The following ANKRD24 variants were observed in gnomAD, a reference collection of about 807,000 sequenced individuals.
The protein encoded by ANKRD24 is ankyrin repeat domain 24.
ANKRD24 carries 109 observed loss-of-function variants against 127.8 expected under a neutral mutation model. That is an observed-to-expected ratio of 0.85 (90% confidence interval 0.73 to 1.00). The LOEUF is 1.00. Ranked by LOEUF, ANKRD24 falls within the 50% of genes least tolerant of loss-of-function variation. ANKRD24 has a pLI of 0.00. For synonymous variants in ANKRD24, 743 were observed against 671.1 expected, an observed-to-expected ratio of 1.11 and a Z score of -1.66; for missense variants, 1,648 against 1,570.2, an observed-to-expected ratio of 1.05 and a Z score of -0.84.
At chr19:4,205,242 C>T (rs187635913) in intron 7 of ANKRD24, among the ~76,000 whole-genome samples, 1 of 152,162 alleles carries the variant, frequency 6.6e-6, no homozygotes, top group South Asian at 2.1e-4. Flanking sequence ...CTCAAAAAAA[C>T]CAACCAACCA....
At position 4,199,625 on chromosome 19, in the gene ANKRD24, G is replaced by A. The variant is rs1401979284; in HGVS notation, c.37-58G>A. The A allele has an allele frequency of 1.1e-5, 16 of 1,476,742 alleles. No homozygotes were observed. Among genetic ancestry groups the A allele is most frequent in the East Asian group, 5.0e-5 (2 of 40,164 alleles). 91.5% of individuals were successfully genotyped at this position (1,476,742 alleles called of 1,614,324 possible). ...GGCCTGGGGGCAGATGCTGGGGGTC[G>A]CAGGCTTGGGGGACACTGTCTGAGG... On this transcript the variant is annotated intron_variant, in intron 2 of 21. Transcript: ENST00000318934. This position sits in a 1 kb window ranked among gnomAD's most constrained non-coding sequence, Gnocchi z 5.2.
chr19:4,224,773 T>G lies in ANKRD24; in HGVS notation c.*268T>G. 1.9e-6 allele frequency: 1 copy of G among 516,800 alleles called. No homozygotes were observed. The highest frequency in any genetic ancestry group is 3.5e-6 in the Non-Finnish European group (1 of 286,522). The allele number at this position is 516,800 out of a possible 1,614,324, so 32.0% of individuals were successfully genotyped here. On this transcript the variant is annotated 3_prime_UTR_variant, in exon 22 of 22. Coordinates refer to ENST00000318934, the MANE Select transcript of ANKRD24 (RefSeq NM_001393985.1). ...ACTGTGATTCCCTGTGTCCTCCACA[T>G]CCAGACGCCAGCCCAGGAATAAAGG...
chr19:4,203,074 G>C (rs1364073117), intron 7 of ANKRD24, 148 bp downstream of exon 7: 6 of 691,560 alleles, frequency 8.7e-6, no homozygotes, highest in Non-Finnish European at 1.1e-5. Context: ...TTGAGACGGA[G>C]TCTCACTCTG....
chr19:4,222,562 A>G (rs11085066), intron 19 of ANKRD24, 108 bp from the exon 20 acceptor site: 54,391 of 1,330,398 alleles, frequency 0.041, 6,098 homozygotes, highest in African/African-American at 0.4. Flanking sequence ...CAGGGACGGG[A>G]CCTTCCCTTG....
intron 2 of ANKRD24, among the ~76,000 whole-genome samples, chr19:4,190,385 T>C (rs1968317293): frequency 6.7e-6 from 1 of 148,430 alleles, no homozygotes; most frequent in Non-Finnish European, 1.5e-5. Context: ...GATGGAGCCA[T>C]TGCACTCCAG....
At position 4,195,642 on chromosome 19, in the gene ANKRD24, A is replaced by G. The variant is rs1968683475; in HGVS notation, c.37-4041A>G. Among the ~76,000 whole-genome samples the G allele has an allele frequency of 1.3e-5, 2 of 152,168 alleles. No homozygotes were observed. The highest frequency in any genetic ancestry group is 2.4e-5 in the African/African-American group (1 of 41,440). ...GCCGGGCGCAGTGGCTCACGCCTGT[A>G]ATCCCAACACTTTGAGAGGCCAAGG... On this transcript the variant is annotated intron_variant, in intron 2 of 21. Coordinates refer to ENST00000318934, the MANE Select transcript of ANKRD24 (RefSeq NM_001393985.1). This position sits in a 1 kb window ranked among gnomAD's most constrained non-coding sequence, Gnocchi z 4.2.
Position 4,199,898 on chromosome 19 carries a change from C to T in ANKRD24, c.147C>T (p.Asp49=), listed in dbSNP as rs752363767. The T allele has an allele frequency of 1.8e-5, 28 of 1,570,138 alleles. No homozygotes were observed. The East Asian group carries it at 3.3e-4, about 19-fold the overall frequency. ...AGAGTCAAGACTGGGGCAAGAGTGA[C>T]GAGAGGCTGCTACAAGCCGTGGAAA... ...RRQSQDWGKS[D]ERLLQAVENN... is the part of the protein sequence containing the mutation. The change falls in exon 4 of 22, where the codon GAC becomes GAT. Residue 49 remains aspartate, a synonymous_variant. Transcript: ENST00000318934. This position sits in a 1 kb window ranked among gnomAD's most constrained non-coding sequence, Gnocchi z 5.2.
intron 6 of ANKRD24, 58 bp downstream of exon 6, chr19:4,202,148 C>T: frequency 2.7e-6 from 4 of 1,492,128 alleles, no homozygotes; most frequent in Non-Finnish European, 2.8e-6. Context: ...TGAGTTCCAG[C>T]AATTCCTTGA....
chr19:4,220,461 G>A (rs568481484), intron 19 of ANKRD24, among the ~76,000 whole-genome samples: 10 of 146,792 alleles, frequency 6.8e-5, no homozygotes, highest in African/African-American at 2.7e-4. Flanking sequence ...TTGTACCCAC[G>A]TTCCCACGTT....
rs1970097443 is a variant in ANKRD24, at chr19:4,216,734, C to T, written c.1574C>T (p.Ala525Val). The T allele has an allele frequency of 1.3e-6, 2 of 1,577,970 alleles. No homozygotes were observed. The highest frequency in any genetic ancestry group is 1.7e-6 in the Non-Finnish European group (2 of 1,162,500). ...GAGGTCCCCAGAGAAGAGGGGGCAGCCTGTGGGGAGAGTGAGGTTGCTGGA... is the reference window on the plus strand; with the variant it reads ...GAGGTCCCCAGAGAAGAGGGGGCAGTCTGTGGGGAGAGTGAGGTTGCTGGA... ...TREVPREEGA[A>V]CGESEVAGAT... Residue 525 changes from alanine (A) to valine (V), a missense_variant, in exon 18 of 22, where the codon GCC becomes GTC. Transcript: ENST00000318934.
In ANKRD24 at chr19:4,216,750, G is replaced by A; in HGVS notation, c.1590G>A (p.Glu530=). The change falls in exon 18 of 22, where the codon GAG becomes GAA. Residue 530 remains glutamate, a synonymous_variant. Transcript: ENST00000318934. ...AGGGGGCAGCCTGTGGGGAGAGTGA[G>A]GTTGCTGGAGCCACGGCCACCAAAA... The part of the protein sequence containing the change: ...REEGAACGES[E]VAGATATKNG... 1.3e-6 allele frequency: 2 copies of A among 1,581,274 alleles called. No individual in the cohort carries two copies. Among genetic ancestry groups the A allele is most frequent in the Non-Finnish European group, 1.7e-6 (2 of 1,164,368 alleles).
In ANKRD24 at chr19:4,189,243, C is replaced by CTTTTTTTTTTTTTTT. The variant is rs398033749; in HGVS notation, c.36+2790_36+2804dup. On this transcript the variant is annotated intron_variant, in intron 2 of 21. Transcript: ENST00000318934. ...TTATTTTTTTTAATTTTTCTTTCTT[C>CTTTTTTTTTTTTTTT]TTTTTTTTTTTTTTTTTTTTTTGAA... Among the ~76,000 whole-genome samples the CTTTTTTTTTTTTTTT allele has an allele frequency of 2.0e-4, 15 of 73,952 alleles. 1 individual carries two copies. Among genetic ancestry groups the CTTTTTTTTTTTTTTT allele is most frequent in the East Asian group, 1.9e-3 (4 of 2,126 alleles). The allele number at this position is 73,952 out of a possible 152,430, so 48.5% of individuals were successfully genotyped here. A position where few individuals can be genotyped will look rare whatever the true frequency, so the allele number is the denominator to read the frequency against.
At chr19:4,212,745 A>G (rs77155546) in intron 15 of ANKRD24, 47 bp downstream of exon 15, 29,051 of 1,507,574 alleles carry the variant, frequency 0.019, 333 homozygotes, top group Non-Finnish European at 0.023. Context: ...GGGTCGGGGA[A>G]CTTCTCTCCT....
rs55688435 is a variant in ANKRD24, at chr19:4,203,020, G to C, written c.466+94G>C. On this transcript the variant is annotated intron_variant, in intron 7 of 21. Coordinates refer to ENST00000318934, the MANE Select transcript of ANKRD24 (RefSeq NM_001393985.1). ...CAGGGCCCTAGGGACCTGACCTGCT[G>C]TGAAGCTTCCTGTCTCCTCCTTTCT... The C allele has an allele frequency of 0.016, 16,262 of 1,038,126 alleles. 1,919 individuals are homozygous for C. In the African/African-American group the frequency reaches 0.24, roughly 16 times the overall value. The allele number at this position is 1,038,126 out of a possible 1,614,324, so 64.3% of individuals were successfully genotyped here. A position where few individuals can be genotyped will look rare whatever the true frequency, so the allele number is the denominator to read the frequency against.
At chr19:4,196,523 C>T (rs979273834) in intron 2 of ANKRD24, among the ~76,000 whole-genome samples, 2 of 152,054 alleles carry the variant, frequency 1.3e-5, no homozygotes, top group Non-Finnish European at 2.9e-5. Flanking sequence ...TACAGGCGCC[C>T]GCTACCACAC....
Position 4,216,746 on chromosome 19 carries a change from G to A in ANKRD24, c.1586G>A (p.Ser529Asn), listed in dbSNP as rs757439607. 8 of 1,580,580 alleles carry A rather than the reference G, an allele frequency of 5.1e-6. No individual in the cohort carries two copies. Among genetic ancestry groups the A allele is most frequent in the Middle Eastern group, 1.7e-4 (1 of 6,028 alleles). ...GAAGAGGGGGCAGCCTGTGGGGAGA[G>A]TGAGGTTGCTGGAGCCACGGCCACC... ...PREEGAACGE[S>N]EVAGATATKN... Residue 529 changes from serine to asparagine, a missense_variant, in exon 18 of 22, where the codon AGT becomes AAT. By Grantham distance (46) the Ser-to-Asn change is conservative. Transcript: ENST00000318934.
chr19:4,196,406 C>T (rs1177773339), intron 2 of ANKRD24, among the ~76,000 whole-genome samples: 4 of 152,006 alleles, frequency 2.6e-5, no homozygotes, highest in Non-Finnish European at 5.9e-5. Flanking sequence ...AGTGGAGTCT[C>T]GCTCTGTCAC....
chr19:4,202,499 G>A (rs1409986542), intron 6 of ANKRD24, among the ~76,000 whole-genome samples: 2 of 152,078 alleles, frequency 1.3e-5, no homozygotes, highest in Non-Finnish European at 2.9e-5. Flanking sequence ...GAACTTGGGA[G>A]GCGGAGGTTG....
At chr19:4,191,363 C>G (rs1354539109) in intron 2 of ANKRD24, among the ~76,000 whole-genome samples, 1 of 152,218 alleles carries the variant, frequency 6.6e-6, no homozygotes, top group African/African-American at 2.4e-5. Context: ...GTCTTCTAGC[C>G]ACTGCTACCC....
Sources: gnomAD v4.1 joint callset for allele counts (sites outside exome capture counted in the v4.1 genomes callset) on GRCh38, gnomAD v4.1.1 for gene constraint, Gnocchi (gnomAD v3.1) non-coding constraint, MANE v1.5 for transcripts, NCBI Gene and HGNC (gene_info 2026-07-23, HGNC 2026-07-21) for gene names.